AAK1: variants seen among roughly 807,000 people sequenced by gnomAD.
AAK1 encodes AP2-associated protein kinase 1.
Under a neutral mutation model 116.0 loss-of-function variants are expected in AAK1, and 37 were observed. The observed-to-expected ratio is 0.32, with a 90% CI of 0.25 to 0.42. AAK1 has a LOEUF of 0.42. AAK1 is among the 10% of genes least tolerant of loss of function. The probability of loss-of-function intolerance (pLI) is 1.00; values close to 1 mark genes in which losing one functional copy is unlikely to be tolerated. For synonymous variants in AAK1, 458 were observed against 439.9 expected, an observed-to-expected ratio of 1.04 and a Z score of -0.51; for missense variants, 919 against 1,170.6, an observed-to-expected ratio of 0.79 and a Z score of 3.14.
At chr2:69,485,621 T>A (rs1231124825) in intron 17 of AAK1, among the ~76,000 whole-genome samples, 2 of 151,938 alleles carry the variant, frequency 1.3e-5, no homozygotes, top group Non-Finnish European at 2.9e-5. Flanking sequence ...TTGGCTTGAC[T>A]GGGGAGGTGG....
chr2:69,578,454 A>T (rs1178155666), intron 2 of AAK1, among the ~76,000 whole-genome samples: 1 of 152,118 alleles, frequency 6.6e-6, no homozygotes, highest in East Asian at 1.9e-4. Flanking sequence ...CCCAACTCCC[A>T]CTGATCTATA....
chr2:69,482,448 AATGTGAAACTTTCCAC>A, intron 18 of AAK1: 1 of 606,584 alleles, frequency 1.6e-6, no homozygotes, highest in South Asian at 2.2e-5. Context: ...CTTCTAACTA[AATGTGAAACTTTCCAC>A]ATTCCTCCTC....
chr2:69,473,320 G>C lies in AAK1; in HGVS notation c.*2549C>G. 2.0e-6 allele frequency: 2 copies of C among 985,398 alleles called. No individual in the cohort carries two copies. Among genetic ancestry groups the C allele is most frequent in the South Asian group, 9.4e-5 (2 of 21,282 alleles). The allele number at this position is 985,398 out of a possible 1,614,324, so 61.0% of individuals were successfully genotyped here. On this transcript the variant is annotated 3_prime_UTR_variant, in exon 22 of 22. Transcript: ENST00000409085. ...TCTCAAAGGTCCCTTTGTAGCTCAGGCTATGATTCCACAGGTACCAGGACA... is the reference window on the plus strand; with the variant it reads ...TCTCAAAGGTCCCTTTGTAGCTCAGCCTATGATTCCACAGGTACCAGGACA...
At position 69,473,156 on chromosome 2, in the gene AAK1, C is replaced by T; in HGVS notation, c.*2713G>A. The T allele has an allele frequency of 1.3e-6, 1 of 795,928 alleles. No homozygotes were observed. Among genetic ancestry groups the T allele is most frequent in the Non-Finnish European group, 1.5e-6 (1 of 657,162 alleles). 49.3% of individuals were successfully genotyped at this position (795,928 alleles called of 1,614,324 possible). On this transcript the variant is annotated 3_prime_UTR_variant, in exon 22 of 22. Transcript: ENST00000409085. ...GAGAGGTGAAGTGCCTGCTGAAGGT[C>T]ACTCAGCCAGTGGCTGGCAAGGGCC... is the stretch of plus-strand genomic sequence containing the variant.
chr2:69,584,989 A>G (rs1255974781), intron 2 of AAK1, among the ~76,000 whole-genome samples: 7 of 152,170 alleles, frequency 4.6e-5, no homozygotes, highest in Admixed American at 4.6e-4. Context: ...TACCCATCTC[A>G]TATCTGTATG....
At position 69,532,154 on chromosome 2, in the gene AAK1, G is replaced by A. The variant is rs569315111; in HGVS notation, c.543C>T (p.Asn181=). ...PIIHRDLKVE[N]ILLHDRGHYV... is the part of the protein sequence containing the mutation. ...AGTGGCCTCGGTCATGCAAGAGGAT[G>A]TTTTCAACCTGAAAAACATTCCCCA... Residue 181 remains asparagine, a synonymous_variant, in exon 6 of 22, where the codon AAC becomes AAT. Coordinates refer to ENST00000409085, the MANE Select transcript of AAK1 (RefSeq NM_014911.5). The A allele has an allele frequency of 1.1e-5, 17 of 1,613,300 alleles. No individual in the cohort carries two copies. The South Asian group carries it at 1.9e-4, about 18-fold the overall frequency.
At chr2:69,567,515 G>T (rs1345625081) in intron 2 of AAK1, among the ~76,000 whole-genome samples, 1 of 152,154 alleles carries the variant, frequency 6.6e-6, no homozygotes, top group Non-Finnish European at 1.5e-5. Flanking sequence ...GTTCTCAAGT[G>T]TTTGTTATAC....
At chr2:69,541,950 A>G (rs1670741257) in intron 5 of AAK1, among the ~76,000 whole-genome samples, 2 of 152,236 alleles carry the variant, frequency 1.3e-5, no homozygotes, top group South Asian at 4.1e-4. Flanking sequence ...TTCCTCAACT[A>G]TAAAACGTAA....
intron 19 of AAK1, among the ~76,000 whole-genome samples, chr2:69,479,318 A>G (rs1425052282): frequency 6.6e-6 from 1 of 152,206 alleles, no homozygotes; most frequent in Non-Finnish European, 1.5e-5. Context: ...ATGAAAACCA[A>G]AAGAAATGTG....
chr2:69,553,717 C>T (rs556248974), intron 3 of AAK1, among the ~76,000 whole-genome samples: 4 of 151,240 alleles, frequency 2.6e-5, no homozygotes, highest in South Asian at 2.1e-4. Context: ...GCTGGGATTA[C>T]GGGCATGAGC....
chr2:69,576,737 C>T (rs1294067585), intron 2 of AAK1, among the ~76,000 whole-genome samples: 1 of 152,134 alleles, frequency 6.6e-6, no homozygotes, highest in Non-Finnish European at 1.5e-5. Context: ...TTATCAAAGC[C>T]TAGGTCCACC....
intron 5 of AAK1, among the ~76,000 whole-genome samples, chr2:69,537,632 CTGTGG>C (rs1314256287): frequency 1.3e-5 from 2 of 152,204 alleles, no homozygotes; most frequent in Admixed American, 1.3e-4. Context: ...ACTGCTAGGA[CTGTGG>C]TGGCTGGTTC....
chr2:69,569,570 G>A (rs889125405), intron 2 of AAK1, among the ~76,000 whole-genome samples: 2 of 152,002 alleles, frequency 1.3e-5, no homozygotes, highest in African/African-American at 4.8e-5. Context: ...AACACACTCA[G>A]GTAACCCAAA....
chr2:69,481,156 C>T (rs1675074676), intron 18 of AAK1, 195 bp from the exon 19 acceptor site: 1 of 438,544 alleles, frequency 2.3e-6, no homozygotes, highest in African/African-American at 2.0e-5. Flanking sequence ...GCCACTGCAC[C>T]CAGCCATGTG....
intron 17 of AAK1, among the ~76,000 whole-genome samples, chr2:69,486,843 TA>T (rs2104908355): frequency 6.6e-6 from 1 of 152,330 alleles, no homozygotes; most frequent in South Asian, 2.1e-4. Context: ...TGTATCTGTC[TA>T]GGGGTCTGCC....
chr2:69,637,073 G>A (rs1381155578), intron 2 of AAK1, among the ~76,000 whole-genome samples: 1 of 152,212 alleles, frequency 6.6e-6, no homozygotes, highest in Non-Finnish European at 1.5e-5. Flanking sequence ...TGGGCCACTA[G>A]TAGATTATCG....
intron 2 of AAK1, among the ~76,000 whole-genome samples, chr2:69,562,226 T>A (rs1390182317): frequency 1.3e-5 from 2 of 152,226 alleles, no homozygotes; most frequent in Non-Finnish European, 2.9e-5. Context: ...TTGTTCCACA[T>A]CCTTACCAAC....
intron 2 of AAK1, among the ~76,000 whole-genome samples, chr2:69,616,606 C>T (rs1386654022): frequency 1.3e-5 from 2 of 152,184 alleles, no homozygotes; most frequent in African/African-American, 4.8e-5. Flanking sequence ...CCATGCACTA[C>T]AGGATATTCA....
Position 69,472,198 on chromosome 2 carries a change from G to T in AAK1, c.*3671C>A, listed in dbSNP as rs758595130. 2.1e-4 allele frequency: 206 copies of T among 979,514 alleles called. No homozygotes were observed. The highest frequency in any genetic ancestry group is 2.4e-4 in the Non-Finnish European group (199 of 824,666). 60.7% of individuals were successfully genotyped at this position (979,514 alleles called of 1,614,324 possible). A position where few individuals can be genotyped will look rare whatever the true frequency, so the allele number is the denominator to read the frequency against. On this transcript the variant is annotated 3_prime_UTR_variant, in exon 22 of 22. Transcript: ENST00000409085. ...AAGGTCCTCTCTGAGAATTTTTTGT[G>T]GATTATCCTTTTTACTGTCTTCAAC... is the stretch of plus-strand genomic sequence containing the variant.
Sources: allele counts gnomAD v4.1 joint callset (sites outside exome capture counted in the v4.1 genomes callset), GRCh38; gene constraint gnomAD v4.1.1; transcripts MANE v1.5; gene names NCBI Gene and HGNC (gene_info 2026-07-23, HGNC 2026-07-21).